CDH4: variants seen among roughly 807,000 people sequenced by gnomAD.
The protein encoded by CDH4 is cadherin 4, also known as cadherin-4.
Under a neutral mutation model 86.0 loss-of-function variants are expected in CDH4, and 33 were observed. The observed-to-expected ratio is 0.38, with a 90% CI of 0.29 to 0.51. The LOEUF is 0.51. CDH4 is among the 20% of genes least tolerant of loss of function. The probability of loss-of-function intolerance (pLI) is 0.86; values close to 1 mark genes in which losing one functional copy is unlikely to be tolerated. For synonymous variants in CDH4, 555 were observed against 549.4 expected (o/e 1.01, Z -0.14); for missense variants, 1,114 against 1,307.4 (o/e 0.85, Z 2.28).
At chr20:61,279,771 C>T (rs2084248840) in intron 2 of CDH4, among the ~76,000 whole-genome samples, 1 of 152,228 alleles carries the variant, frequency 6.6e-6, no homozygotes, top group Admixed American at 6.5e-5. Flanking sequence ...ACGTTCTGTG[C>T]ACCAAGCACA....
In CDH4 at chr20:61,544,507, A is replaced by G. The variant is rs1449501536; in HGVS notation, c.170-199056A>G. Among the ~76,000 whole-genome samples the G allele has an allele frequency of 6.6e-6, 1 of 151,788 alleles. No homozygotes were observed. The highest frequency in any genetic ancestry group is 1.5e-5 in the Non-Finnish European group (1 of 67,982). ...TCGAAGGAAAGCCCGTGGATTATGC[A>G]TCCAGGAATTAAAGCAGTCCATGCA... On this transcript the variant is annotated intron_variant, in intron 2 of 15. Transcript: ENST00000614565. This position sits in a 1 kb window ranked among gnomAD's most constrained non-coding sequence, Gnocchi z 6.5.
chr20:61,274,551 A>C (rs1313746375), intron 2 of CDH4, among the ~76,000 whole-genome samples: 2 of 110,642 alleles, frequency 1.8e-5, no homozygotes, highest in Admixed American at 2.2e-4. Flanking sequence ...ACCATGTGCA[A>C]CTTGGGGGAG....
chr20:61,683,921 T>C (rs536494020), intron 2 of CDH4, among the ~76,000 whole-genome samples: 1 of 151,784 alleles, frequency 6.6e-6, no homozygotes, highest in East Asian at 1.9e-4. Flanking sequence ...TGGGTGGGAG[T>C]TGGGAGGCTG....
chr20:61,824,330 T>G (rs1385404082), intron 4 of CDH4, among the ~76,000 whole-genome samples: 1 of 150,672 alleles, frequency 6.6e-6, no homozygotes, highest in Non-Finnish European at 1.5e-5. Context: ...GAGTGTTGGC[T>G]CTTGACTCTT....
intron 2 of CDH4, among the ~76,000 whole-genome samples, chr20:61,609,425 C>T (rs2086668302): frequency 6.6e-6 from 1 of 151,976 alleles, no homozygotes; most frequent in South Asian, 2.1e-4. Context: ...CCTAGATCTG[C>T]AGAAGGTTGT....
intron 2 of CDH4, among the ~76,000 whole-genome samples, chr20:61,633,968 C>G (rs947776171): frequency 6.6e-6 from 1 of 152,222 alleles, no homozygotes; most frequent in African/African-American, 2.4e-5. Context: ...TTTTAAAACA[C>G]CACCACCAAT....
At chr20:61,340,828 A>C (rs2084645851) in intron 2 of CDH4, among the ~76,000 whole-genome samples, 2 of 152,156 alleles carry the variant, frequency 1.3e-5, no homozygotes, top group South Asian at 4.1e-4. Flanking sequence ...TTGATACTTG[A>C]TTCTGTTTAC....
intron 2 of CDH4, among the ~76,000 whole-genome samples, chr20:61,665,750 G>C (rs915521908): frequency 6.6e-6 from 1 of 152,136 alleles, no homozygotes; most frequent in African/African-American, 2.4e-5. Context: ...ACCTAACATC[G>C]GATTTATCTC....
intron 2 of CDH4, among the ~76,000 whole-genome samples, chr20:61,660,015 C>G (rs374106149): frequency 6.6e-6 from 1 of 152,180 alleles, no homozygotes; most frequent in African/African-American, 2.4e-5. Flanking sequence ...GTTCTGGACT[C>G]CTGCTTTTCC....
chr20:61,754,680 G>A lies in CDH4; in HGVS notation c.396+10891G>A, dbSNP rs914486819. Among the ~76,000 whole-genome samples, 8 of 134,954 alleles carry A rather than the reference G, an allele frequency of 5.9e-5. No homozygotes were observed. The highest frequency in any genetic ancestry group is 2.3e-4 in the African/African-American group (8 of 35,016). The allele number at this position is 134,954 out of a possible 152,430, so 88.5% of individuals were successfully genotyped here. A position where few individuals can be genotyped will look rare whatever the true frequency, so the allele number is the denominator to read the frequency against. ...CGCACACACGCCCCGCACACACTATGCACACCACACACACAGTGCATGCCA... is the reference window on the plus strand; with the variant it reads ...CGCACACACGCCCCGCACACACTATACACACCACACACACAGTGCATGCCA... On this transcript the variant is annotated intron_variant, in intron 3 of 15. Coordinates refer to ENST00000614565, the MANE Select transcript of CDH4 (RefSeq NM_001794.5). This position sits in a 1 kb window ranked among gnomAD's most constrained non-coding sequence, Gnocchi z 4.7.
At chr20:61,519,304 A>G (rs1183738488) in intron 2 of CDH4, among the ~76,000 whole-genome samples, 1 of 152,228 alleles carries the variant, frequency 6.6e-6, no homozygotes, top group African/African-American at 2.4e-5. Flanking sequence ...TGATGTCTCC[A>G]TTCTAGACAT....
chr20:61,904,955 C>T (rs1420111922), intron 8 of CDH4, among the ~76,000 whole-genome samples: 3 of 152,242 alleles, frequency 2.0e-5, no homozygotes, highest in Non-Finnish European at 4.4e-5. Context: ...CCAAATCCTC[C>T]TCTTGCGAAT....
intron 2 of CDH4, among the ~76,000 whole-genome samples, chr20:61,310,816 G>A (rs538542787): frequency 3.7e-4 from 57 of 152,248 alleles, no homozygotes; most frequent in African/African-American, 1.2e-3. Flanking sequence ...TTCCTTCTGC[G>A]TGTCTGCGTC....
intron 2 of CDH4, among the ~76,000 whole-genome samples, chr20:61,605,461 CTGTCTCTCTATT>C (rs1160406720): frequency 6.6e-6 from 1 of 151,866 alleles, no homozygotes; most frequent in East Asian, 1.9e-4. Flanking sequence ...TTCTCTGTCT[CTGTCTCTCTATT>C]TGTCTCTCCC....
intron 2 of CDH4, among the ~76,000 whole-genome samples, chr20:61,592,020 A>C (rs189774419): frequency 6.6e-6 from 1 of 152,134 alleles, no homozygotes. Flanking sequence ...TCAATTAGCT[A>C]TCTGCCTAAC....
intron 2 of CDH4, among the ~76,000 whole-genome samples, chr20:61,362,537 G>C (rs968587263): frequency 1.3e-5 from 2 of 152,016 alleles, no homozygotes; most frequent in African/African-American, 4.8e-5. Context: ...GGACAGCGTA[G>C]GGGAGAGCGG....
chr20:61,341,237 G>A (rs747352211), intron 2 of CDH4, among the ~76,000 whole-genome samples: 2 of 152,188 alleles, frequency 1.3e-5, no homozygotes, highest in Non-Finnish European at 2.9e-5. Flanking sequence ...TTGGTTGAAG[G>A]CATCACTCTT....
chr20:61,886,619 A>G (rs1039812835), intron 7 of CDH4, among the ~76,000 whole-genome samples: 2 of 152,188 alleles, frequency 1.3e-5, no homozygotes, highest in African/African-American at 4.8e-5. Context: ...GAGGCTGCAC[A>G]TGTCAGCTAT....
intron 7 of CDH4, among the ~76,000 whole-genome samples, chr20:61,883,149 G>A (rs1474177639): frequency 7.9e-5 from 8 of 101,344 alleles, no homozygotes; most frequent in African/African-American, 2.6e-4. Flanking sequence ...TGCTCCCCCC[G>A]CCTACAGCAT....
Sources: allele counts gnomAD v4.1 joint callset (sites outside exome capture counted in the v4.1 genomes callset), GRCh38; gene constraint gnomAD v4.1.1; non-coding constraint Gnocchi (gnomAD v3.1); transcripts MANE v1.5; gene names NCBI Gene and HGNC (gene_info 2026-07-23, HGNC 2026-07-21).